The following SLC28A1 variants were observed in gnomAD, a reference collection of about 807,000 sequenced individuals.
The protein encoded by SLC28A1 is sodium/nucleoside cotransporter 1.
SLC28A1 carries 64 observed loss-of-function variants against 74.8 expected under a neutral mutation model. The ratio of observed to expected loss-of-function variants is 0.86; its 90% CI spans 0.70 to 1.05. The LOEUF (loss-of-function observed/expected upper bound fraction) is 1.05. Ranked by LOEUF, SLC28A1 falls within the 50% of genes least tolerant of loss-of-function variation. The pLI is 0.00. For missense variants in SLC28A1, 828 were observed against 822.8 expected (o/e 1.01, Z -0.08); for synonymous variants, 359 against 335.0 (o/e 1.07, Z -0.78).
At chr15:84,912,804 G>GCGCGTGCGCGCGCA (rs1567150807) in intron 9 of SLC28A1, among the ~76,000 whole-genome samples, 8 of 58,654 alleles carry the variant, frequency 1.4e-4, no homozygotes, top group African/African-American at 4.1e-4. Flanking sequence ...TTTTGCGCGC[G>GCGCGTGCGCGCGCA]CGCACACACA....
chr15:84,897,593 C>T (rs1008463628), intron 6 of SLC28A1, among the ~76,000 whole-genome samples: 3 of 150,944 alleles, frequency 2.0e-5, no homozygotes, highest in African/African-American at 4.8e-5. Flanking sequence ...AATCAGTGTA[C>T]TTGGGATATC....
chr15:84,903,954 G>A (rs1434843656), intron 6 of SLC28A1, 143 bp from the exon 7 acceptor site: 1 of 1,078,726 alleles, frequency 9.3e-7, no homozygotes, highest in African/African-American at 1.6e-5. Flanking sequence ...TGGTTCCAGA[G>A]CTGGTGCTCT....
chr15:84,962,393 G>A, the SLC28A1 span, among the ~76,000 whole-genome samples: 1 of 152,060 alleles, frequency 6.6e-6, no homozygotes, highest in Non-Finnish European at 1.5e-5. Context: ...TCTTTATAGA[G>A]ACTCTGTAAG....
In SLC28A1 at chr15:84,900,415, A is replaced by G. The variant is rs530476415; in HGVS notation, c.462-3682A>G. On this transcript the variant is annotated intron_variant, in intron 6 of 18. Coordinates refer to ENST00000394573, the MANE Select transcript of SLC28A1 (RefSeq NM_004213.5). ...AGACACTGTCTCAAAAAAAAAAAAA[A>G]AAAAAAAAAGAAGAAGAAGAAAGAA... Among the ~76,000 whole-genome samples the G allele has an allele frequency of 2.0e-3, 301 of 150,840 alleles. 2 individuals are homozygous for G. The highest frequency in any genetic ancestry group is 4.0e-3 in the Admixed American group (61 of 15,174).
chr15:84,925,138 C>T (rs1438550624), intron 12 of SLC28A1, among the ~76,000 whole-genome samples: 3 of 128,644 alleles, frequency 2.3e-5, no homozygotes, highest in African/African-American at 8.9e-5. Flanking sequence ...CCAGGATGGT[C>T]TCGATCTCCT....
downstream of SLC28A1, among the ~76,000 whole-genome samples, chr15:84,949,635 T>A (rs2079350994): frequency 6.8e-6 from 1 of 147,948 alleles, no homozygotes; most frequent in Admixed American, 6.9e-5. Flanking sequence ...GGTCGTGAAC[T>A]CCTGGCCTCA....
At chr15:84,956,577 C>T in the SLC28A1 span, among the ~76,000 whole-genome samples, 1 of 151,820 alleles carries the variant, frequency 6.6e-6, no homozygotes, top group South Asian at 2.1e-4. Context: ...ACTGCAGCCT[C>T]AACCTCCCAG....
chr15:84,936,415 G>A (rs62021451), intron 15 of SLC28A1, among the ~76,000 whole-genome samples: 54,921 of 151,730 alleles, frequency 0.36, 12,145 homozygotes, highest in Middle Eastern at 0.62. Context: ...CTGCCACCAC[G>A]CTCAGCTAAT....
chr15:84,928,295 C>CCTAA (rs1235665346), intron 12 of SLC28A1, among the ~76,000 whole-genome samples: 2 of 152,052 alleles, frequency 1.3e-5, no homozygotes, highest in African/African-American at 4.8e-5. Flanking sequence ...AGGAAAAGCA[C>CCTAA]CTAACAAACA....
At chr15:84,910,837 G>A (rs191512824) in intron 9 of SLC28A1, among the ~76,000 whole-genome samples, 45 of 152,338 alleles carry the variant, frequency 3.0e-4, no homozygotes, top group African/African-American at 7.9e-4. Context: ...TGAGGAGTGC[G>A]TATAAGGAGA....
chr15:84,895,599 T>C, intron 6 of SLC28A1: 1 of 1,500,934 alleles, frequency 6.7e-7, no homozygotes, highest in South Asian at 1.3e-5. Context: ...CAAACTGGAT[T>C]CCTTGGAGCG....
At chr15:84,925,354 T>A (rs1251476050) in intron 12 of SLC28A1, among the ~76,000 whole-genome samples, 1 of 151,858 alleles carries the variant, frequency 6.6e-6, no homozygotes, top group African/African-American at 2.4e-5. Context: ...TCAGAAACGA[T>A]GGGGGATGCC....
intron 2 of SLC28A1, 101 bp downstream of exon 2, chr15:84,886,888 C>T (rs978150306): frequency 5.4e-6 from 3 of 556,146 alleles, no homozygotes; most frequent in Non-Finnish European, 6.9e-6. Context: ...CGCACATGCA[C>T]GGGTCTCTGA....
chr15:84,918,535 C>G lies in SLC28A1; in HGVS notation c.807C>G (p.Ile269Met). ...CTCCTTCCCGGCAGGTTCTGCCCAT[C>G]ATTGTCTTTTTCAGCTGTGTCATAT... is the stretch of plus-strand genomic sequence containing the variant. The part of the protein sequence containing the change: ...KDVFAFQVLP[I>M]IVFFSCVISV... The change falls in exon 10 of 19, where the codon ATC (isoleucine) becomes ATG (methionine). Residue 269 changes from isoleucine (I) to methionine (M), a missense_variant. Ile to Met is a conservative substitution (Grantham distance 10). Coordinates refer to ENST00000394573, the MANE Select transcript of SLC28A1 (RefSeq NM_004213.5). The G allele has an allele frequency of 6.2e-7, 1 of 1,613,820 alleles. No individual in the cohort carries two copies. The highest frequency in any genetic ancestry group is 1.1e-5 in the South Asian group (1 of 91,080).
intron 8 of SLC28A1, among the ~76,000 whole-genome samples, chr15:84,906,559 T>G (rs58012950): frequency 2.0e-4 from 18 of 89,260 alleles, no homozygotes; most frequent in African/African-American, 6.5e-4. Flanking sequence ...TTTCTTTCTT[T>G]CTTTCTCTTT....
At chr15:84,928,523 G>GTTCTTTCT (rs1555453777) in intron 12 of SLC28A1, among the ~76,000 whole-genome samples, 25 of 39,854 alleles carry the variant, frequency 6.3e-4, no homozygotes, top group African/African-American at 2.6e-3. Context: ...TCCCAGGTTC[G>GTTCTTTCT]TTCGTTCTTT....
the SLC28A1 span, among the ~76,000 whole-genome samples, chr15:84,952,306 T>C: frequency 6.6e-6 from 1 of 152,160 alleles, no homozygotes; most frequent in South Asian, 2.1e-4. Flanking sequence ...TACAGACATC[T>C]TTCCTATCTT....
In SLC28A1 at chr15:84,924,072, A is replaced by C; in HGVS notation, c.1045A>C (p.Ile349Leu). The C allele has an allele frequency of 6.2e-6, 10 of 1,613,804 alleles. No homozygotes were observed. Among genetic ancestry groups the C allele is most frequent in the Non-Finnish European group, 8.5e-6 (10 of 1,179,980 alleles). The stretch of plus-strand genomic sequence containing the variant: ...TGTCATGACCGGAGGTTACGCCACC[A>C]TTGCTGGCAGCCTGCTGGGTGCCTA... ...HVVMTGGYATIAGSLLGAYIS... is the reference protein window; with the variant it reads ...HVVMTGGYATLAGSLLGAYIS... The change falls in exon 12 of 19, where the codon ATT (isoleucine) becomes CTT (leucine). Residue 349 changes from isoleucine (I) to leucine (L), a missense_variant. Coordinates refer to ENST00000394573, the MANE Select transcript of SLC28A1 (RefSeq NM_004213.5).
intron 9 of SLC28A1, among the ~76,000 whole-genome samples, chr15:84,913,162 C>T (rs965687936): frequency 6.6e-6 from 1 of 152,182 alleles, no homozygotes; most frequent in Non-Finnish European, 1.5e-5. Context: ...GAGTCCCTTC[C>T]ACTTTCTGGC....
Sources: gnomAD v4.1 joint callset for allele counts (sites outside exome capture counted in the v4.1 genomes callset) on GRCh38, gnomAD v4.1.1 for gene constraint, MANE v1.5 for transcripts, NCBI Gene and HGNC (gene_info 2026-07-23, HGNC 2026-07-21) for gene names.